The following CADPS2 variants were observed in gnomAD, a reference collection of about 807,000 sequenced individuals.
CADPS2 encodes calcium dependent secretion activator 2.
CADPS2 carries 93 observed loss-of-function variants against 172.5 expected under a neutral mutation model. That is an observed-to-expected ratio of 0.54 (90% confidence interval 0.46 to 0.64). CADPS2 has a LOEUF of 0.64. CADPS2 is among the 30% of genes least tolerant of loss of function. CADPS2 has a pLI of 0.00. For missense variants in CADPS2, 1,420 were observed against 1,565.9 expected (o/e 0.91, Z 1.57); for synonymous variants, 546 against 555.2 (o/e 0.98, Z 0.23).
chr7:122,320,235 G>A lies in CADPS2; in HGVS notation c.3821C>T (p.Ala1274Val), dbSNP rs1210258947. The change falls in exon 30 of 30, where the codon GCC (alanine) becomes GTC (valine). Residue 1274 changes from alanine to valine, a missense_variant. By Grantham distance (64) the Ala-to-Val change is moderately conservative. Coordinates refer to ENST00000449022, the MANE Select transcript of CADPS2 (RefSeq NM_017954.11). The stretch of plus-strand genomic sequence containing the variant: ...AAGTCCTCCTCCTTCTGAAACAGAG[G>A]CTGTGGCCTCCTCTACTGTTAAACG... The part of the protein sequence containing the change: ...HRRLTVEEAT[A>V]SVSEGGGLQG... 7 of 1,613,292 alleles carry A rather than the reference G, an allele frequency of 4.3e-6. No individual in the cohort carries two copies. Among genetic ancestry groups the A allele is most frequent in the Non-Finnish European group, 5.9e-6 (7 of 1,179,532 alleles).
At chr7:122,346,724 G>A (rs189283797) in intron 27 of CADPS2, among the ~76,000 whole-genome samples, 1 of 152,286 alleles carries the variant, frequency 6.6e-6, no homozygotes, top group East Asian at 1.9e-4. Flanking sequence ...TAATAGTAGA[G>A]GAGGTAATAC....
intron 1 of CADPS2, among the ~76,000 whole-genome samples, chr7:122,752,474 T>C (rs1415087811): frequency 1.3e-5 from 2 of 152,184 alleles, no homozygotes; most frequent in Non-Finnish European, 1.5e-5. Context: ...ATTAAAGTTA[T>C]TAAAGAAGTT....
intron 3 of CADPS2, among the ~76,000 whole-genome samples, chr7:122,661,365 A>G (rs1452856050): frequency 1.3e-5 from 2 of 152,202 alleles, no homozygotes; most frequent in African/African-American, 4.8e-5. Context: ...CCCACAGTCC[A>G]GCTGATTCTC....
intron 25 of CADPS2, among the ~76,000 whole-genome samples, chr7:122,364,498 G>A (rs1232210420): frequency 6.6e-6 from 1 of 151,532 alleles, no homozygotes; most frequent in Non-Finnish European, 1.5e-5. Context: ...AGGCTGAGGT[G>A]GGTGGAACAT....
At position 122,541,800 on chromosome 7, in the gene CADPS2, T is replaced by TATATTC. The variant is rs1415151709; in HGVS notation, c.1475+12749_1475+12750insGAATAT. Among the ~76,000 whole-genome samples, 415 of 111,700 alleles carry TATATTC rather than the reference T, an allele frequency of 3.7e-3. 5 individuals are homozygous for TATATTC. The highest frequency in any genetic ancestry group is 6.5e-3 in the African/African-American group (221 of 34,132). The allele number at this position is 111,700 out of a possible 152,430, so 73.3% of individuals were successfully genotyped here. On this transcript the variant is annotated intron_variant, in intron 8 of 29. Coordinates refer to ENST00000449022, the MANE Select transcript of CADPS2 (RefSeq NM_017954.11). ...ATATATTCATATATTTATATATTCA[T>TATATTC]ATATATTTATATATTCATATGTTTA...
Position 122,734,356 on chromosome 7 carries a change from TAAAAAAAAAAAA to T in CADPS2, c.453+2587_453+2598del, listed in dbSNP as rs558421546. On this transcript the variant is annotated intron_variant, in intron 2 of 29. Coordinates refer to ENST00000449022, the MANE Select transcript of CADPS2 (RefSeq NM_017954.11). ...AATAACGATAGCATGCCAGAAATAGTAAAAAAAAAAAAAAAAAAAAAAAAAAAAAAGAAAAAA... is the reference window on the plus strand; with the variant it reads ...AATAACGATAGCATGCCAGAAATAGTAAAAAAAAAAAAAAAAAAGAAAAAA... Among the ~76,000 whole-genome samples the T allele has an allele frequency of 2.2e-3, 102 of 46,284 alleles. 1 individual carries two copies. The highest frequency in any genetic ancestry group is 3.7e-3 in the South Asian group (3 of 812). 30.4% of individuals were successfully genotyped at this position (46,284 alleles called of 152,430 possible).
At chr7:122,504,113 C>T (rs867032619) in intron 9 of CADPS2, among the ~76,000 whole-genome samples, 42 of 152,074 alleles carry the variant, frequency 2.8e-4, no homozygotes, top group African/African-American at 1.0e-3. Context: ...TATCCTTATT[C>T]TTTCATACTT....
chr7:122,533,333 C>T lies in CADPS2; in HGVS notation c.1476-20018G>A, dbSNP rs1004019624. 5.9e-5 allele frequency among the ~76,000 whole-genome samples: 9 copies of T among 152,110 alleles called. No individual in the cohort carries two copies. In the South Asian group the frequency reaches 1.5e-3, roughly 25 times the overall value. On this transcript the variant is annotated intron_variant, in intron 8 of 29. Coordinates refer to ENST00000449022, the MANE Select transcript of CADPS2 (RefSeq NM_017954.11). ...CTTTAACAATTAATAATTGTCTTACCTGAATGTATGTAACTCTCTACCTAG... is the reference window on the plus strand; with the variant it reads ...CTTTAACAATTAATAATTGTCTTACTTGAATGTATGTAACTCTCTACCTAG...
chr7:122,886,171 G>T lies in CADPS2; in HGVS notation c.167C>A (p.Ser56Tyr), dbSNP rs1410913741. ...GAGCACAGAGGGGCTCGGGCTCACA[G>T]ATCTGGCCGCGCCGCCGCCGCCCGC... ...GRAGGGGAAR[S>Y]VSPSPSVLSE... The change falls in exon 1 of 30, where the codon TCT becomes TAT. Residue 56 changes from serine (S) to tyrosine (Y), a missense_variant. Transcript: ENST00000449022. The T allele has an allele frequency of 6.7e-7, 1 of 1,491,962 alleles. No homozygotes were observed. Among genetic ancestry groups the T allele is most frequent in the Non-Finnish European group, 8.9e-7 (1 of 1,128,280 alleles). The allele number at this position is 1,491,962 out of a possible 1,614,324, so 92.4% of individuals were successfully genotyped here.
At chr7:122,492,055 C>T (rs566151479) in intron 9 of CADPS2, among the ~76,000 whole-genome samples, 1 of 152,136 alleles carries the variant, frequency 6.6e-6, no homozygotes, top group African/African-American at 2.4e-5. Flanking sequence ...ACCAGTAGTC[C>T]CAGCAACTCT....
intron 1 of CADPS2, among the ~76,000 whole-genome samples, chr7:122,783,458 G>A (rs1390198114): frequency 1.3e-5 from 2 of 152,130 alleles, no homozygotes; most frequent in South Asian, 2.1e-4. Context: ...CACCAACTGT[G>A]GTAGCACTCC....
chr7:122,324,333 A>ACT (rs1303571047), intron 29 of CADPS2, among the ~76,000 whole-genome samples: 1 of 152,152 alleles, frequency 6.6e-6, no homozygotes, highest in Non-Finnish European at 1.5e-5. Context: ...TTCTAATTAG[A>ACT]CTGTAGGAAC....
At chr7:122,363,881 A>C (rs2151169067) in intron 25 of CADPS2, among the ~76,000 whole-genome samples, 1 of 152,284 alleles carries the variant, frequency 6.6e-6, no homozygotes, top group African/African-American at 2.4e-5. Context: ...TTGGTCCTTA[A>C]GCTAATGGGT....
chr7:122,635,956 T>C (rs977265469), intron 3 of CADPS2, among the ~76,000 whole-genome samples: 21 of 152,204 alleles, frequency 1.4e-4, no homozygotes, highest in African/African-American at 3.4e-4. Context: ...ATTTGCATGA[T>C]AGATCTTTCT....
intron 17 of CADPS2, 138 bp downstream of exon 17, chr7:122,438,203 A>G: frequency 9.4e-7 from 1 of 1,062,424 alleles, no homozygotes; most frequent in Non-Finnish European, 1.4e-6. Flanking sequence ...TCAGTTCACC[A>G]GCTGAGATTT....
intron 3 of CADPS2, among the ~76,000 whole-genome samples, chr7:122,645,191 T>C (rs994364334): frequency 1.4e-4 from 20 of 147,654 alleles, no homozygotes; most frequent in African/African-American, 4.4e-4. Flanking sequence ...AGTATATATA[T>C]ACACATATAT....
intron 27 of CADPS2, among the ~76,000 whole-genome samples, chr7:122,352,186 G>C (rs2151047112): frequency 6.6e-6 from 1 of 152,282 alleles, no homozygotes; most frequent in Middle Eastern, 3.4e-3. Flanking sequence ...GTGCTAATGT[G>C]TACACTACCT....
At chr7:122,698,140 A>C in intron 2 of CADPS2, 2 of 1,613,964 alleles carry the variant, frequency 1.2e-6, no homozygotes, top group South Asian at 1.1e-5. Flanking sequence ...ATAGCGTTCA[A>C]AGCAAATTAC....
intron 1 of CADPS2, among the ~76,000 whole-genome samples, chr7:122,741,047 C>A (rs886421565): frequency 2.6e-5 from 4 of 152,026 alleles, no homozygotes; most frequent in African/African-American, 9.7e-5. Flanking sequence ...GGTTATTTAC[C>A]ACATAATTCT....
Sources: allele counts gnomAD v4.1 joint callset (sites outside exome capture counted in the v4.1 genomes callset), GRCh38; gene constraint gnomAD v4.1.1; transcripts MANE v1.5; gene names NCBI Gene and HGNC (gene_info 2026-07-23, HGNC 2026-07-21).